Variants in CC2D2B observed in about 807,000 individuals in gnomAD.
The protein encoded by CC2D2B is protein CC2D2B.
A neutral mutation model predicts 161.2 loss-of-function variants in CC2D2B; 128 were observed. That is an observed-to-expected ratio of 0.79 (90% CI 0.69 to 0.92). The LOEUF is 0.92. Ranked by LOEUF, CC2D2B falls within the 40% of genes least tolerant of loss-of-function variation. The pLI, the probability that CC2D2B is intolerant of heterozygous loss-of-function variation, is 0.00. For missense variants in CC2D2B, 1,173 were observed against 1,375.1 expected (o/e 0.85, Z 2.32); for synonymous variants, 391 against 449.8 (o/e 0.87, Z 1.65).
intron 7 of CC2D2B, 153 bp downstream of exon 7, chr10:95,938,342 A>G: frequency 1.6e-6 from 1 of 626,870 alleles, no homozygotes; most frequent in East Asian, 2.7e-5. Context: ...AATTAAGGGA[A>G]CTGATTAAGA....
intron 30 of CC2D2B, chr10:96,018,920 C>T (rs1018068041): frequency 4.6e-6 from 1 of 219,636 alleles, no homozygotes; most frequent in African/African-American, 2.3e-5. Context: ...ACCTTAGCCT[C>T]CCAAGTAGCT....
At chr10:95,953,879 C>T (rs899798813) in intron 10 of CC2D2B, among the ~76,000 whole-genome samples, 6 of 152,164 alleles carry the variant, frequency 3.9e-5, no homozygotes, top group African/African-American at 9.6e-5. Flanking sequence ...CAATATGCAG[C>T]GTAGTGTCTC....
At chr10:95,930,229 T>G (rs2098547524) in intron 6 of CC2D2B, among the ~76,000 whole-genome samples, 1 of 152,206 alleles carries the variant, frequency 6.6e-6, no homozygotes, top group African/African-American at 2.4e-5. Context: ...TGCCTGTGAT[T>G]TTTGCACATT....
At chr10:96,019,993 C>T (rs1423978544) in intron 32 of CC2D2B, 169 bp downstream of exon 32, 2 of 522,544 alleles carry the variant, frequency 3.8e-6, no homozygotes, top group African/African-American at 2.0e-5. Flanking sequence ...GGCTCTTTCC[C>T]CTACTTGCAG....
At chr10:95,995,223 A>C in intron 22 of CC2D2B, 46 bp from the exon 23 acceptor site, 1 of 1,135,172 alleles carries the variant, frequency 8.8e-7, no homozygotes, top group Non-Finnish European at 1.2e-6. Flanking sequence ...CAAAACTAAT[A>C]TTAAAACTAA....
intron 30 of CC2D2B, among the ~76,000 whole-genome samples, chr10:96,017,732 A>G (rs1458138745): frequency 6.6e-6 from 1 of 151,768 alleles, no homozygotes; most frequent in African/African-American, 2.4e-5. Flanking sequence ...GGAGTTCAAG[A>G]TCAGCCTGGA....
chr10:95,993,215 G>C (rs890591030), intron 22 of CC2D2B: 1 of 154,912 alleles, frequency 6.5e-6, no homozygotes, highest in African/African-American at 2.4e-5. Context: ...GGTTTTATTT[G>C]TGTTTTGGGG....
chr10:95,981,584 A>G (rs965431666), intron 17 of CC2D2B, among the ~76,000 whole-genome samples: 1 of 152,150 alleles, frequency 6.6e-6, no homozygotes, highest in Non-Finnish European at 1.5e-5. Context: ...AAATTTCAAT[A>G]TTGTGCATCC....
intron 2 of CC2D2B, among the ~76,000 whole-genome samples, chr10:95,914,731 G>T (rs1425320835): frequency 1.3e-5 from 2 of 152,100 alleles, no homozygotes; most frequent in Non-Finnish European, 2.9e-5. Flanking sequence ...GTTTCCTGAG[G>T]CCTCCCCAGC....
intron 2 of CC2D2B, chr10:95,921,512 T>C (rs2098527130): frequency 6.6e-6 from 1 of 152,218 alleles, no homozygotes; most frequent in South Asian, 2.1e-4. Context: ...GTGAAGGTGC[T>C]TCTTATGTGG....
Position 95,939,195 on chromosome 10 carries a change from G to A in CC2D2B, c.801+270G>A, listed in dbSNP as rs184875108. On this transcript the variant is annotated intron_variant, in intron 9 of 34. Transcript: ENST00000646931. Reference sequence around the variant, plus strand: ...AATTTTACAAAAATAATGAATAAATGAATGATACTCAAGGTAGCCACTATT... The same window carrying A: ...AATTTTACAAAAATAATGAATAAATAAATGATACTCAAGGTAGCCACTATT... 6.2e-3 allele frequency among the ~76,000 whole-genome samples: 946 copies of A among 152,174 alleles called. 7 individuals are homozygous for A. Among genetic ancestry groups the A allele is most frequent in the Non-Finnish European group, 7.5e-3 (513 of 67,956 alleles).
chr10:95,987,516 T>A (rs1292057239), intron 19 of CC2D2B, among the ~76,000 whole-genome samples: 1 of 152,190 alleles, frequency 6.6e-6, no homozygotes, highest in Non-Finnish European at 1.5e-5. Flanking sequence ...ATTATTTTTG[T>A]ATAGTCTTTA....
rs990023199 is a variant in CC2D2B, at chr10:96,016,089, AT to A, written c.3517-111del. ...CAACTTAGCAACTTGGTAAAAATAA[AT>A]GTGTTTGGAACTGGAGTGAGTACAG... On this transcript the variant is annotated intron_variant, in intron 29 of 34. Transcript: ENST00000646931. 11 of 684,980 alleles carry A rather than the reference AT, an allele frequency of 1.6e-5. No homozygotes were observed. In the African/African-American group the frequency reaches 2.0e-4, roughly 13 times the overall value. The allele number at this position is 684,980 out of a possible 1,614,324, so 42.4% of individuals were successfully genotyped here.
At chr10:95,999,494 T>C (rs575546035) in intron 24 of CC2D2B, among the ~76,000 whole-genome samples, 2 of 152,086 alleles carry the variant, frequency 1.3e-5, no homozygotes, top group Non-Finnish European at 2.9e-5. Context: ...TCTTCCATGA[T>C]GATTTAGAGG....
At chr10:95,979,448 CA>C (rs1403760830) in intron 17 of CC2D2B, among the ~76,000 whole-genome samples, 4 of 152,148 alleles carry the variant, frequency 2.6e-5, no homozygotes, top group Non-Finnish European at 5.9e-5. Flanking sequence ...GCCATGGCCC[CA>C]TGCAGTGGTC....
chr10:95,993,330 G>T (rs1046362609), intron 22 of CC2D2B, among the ~76,000 whole-genome samples: 1 of 152,034 alleles, frequency 6.6e-6, no homozygotes, highest in African/African-American at 2.4e-5. Context: ...TGGATATTTA[G>T]TGTCTCATAT....
chr10:95,963,653 G>A (rs1359216246), intron 12 of CC2D2B, among the ~76,000 whole-genome samples: 1 of 152,144 alleles, frequency 6.6e-6, no homozygotes, highest in Non-Finnish European at 1.5e-5. Flanking sequence ...GAAACCAGAG[G>A]AGGGACAGAG....
intron 19 of CC2D2B, among the ~76,000 whole-genome samples, chr10:95,986,131 C>G (rs539445992): frequency 6.6e-6 from 1 of 151,542 alleles, no homozygotes; most frequent in East Asian, 2.0e-4. Context: ...ACCTCTGTGA[C>G]CCACACCCTA....
intron 33 of CC2D2B, 74 bp from the exon 34 acceptor site, chr10:96,027,138 G>C (rs1386079356): frequency 9.7e-7 from 1 of 1,025,800 alleles, no homozygotes; most frequent in Non-Finnish European, 1.3e-6. Context: ...AAAAAAAAAA[G>C]TCACAAAACT....
Sources: allele counts gnomAD v4.1 joint callset (sites outside exome capture counted in the v4.1 genomes callset), GRCh38; gene constraint gnomAD v4.1.1; transcripts MANE v1.5; gene names NCBI Gene and HGNC (gene_info 2026-07-23, HGNC 2026-07-21).